LOC128462377: variants seen among roughly 807,000 people sequenced by gnomAD.
the LOC128462377 span, among the ~76,000 whole-genome samples, chr16:89,336,067 T>G: frequency 6.6e-6 from 1 of 152,212 alleles, no homozygotes; most frequent in Non-Finnish European, 1.5e-5. Flanking sequence ...TTCCTGCCAG[T>G]TGGTTTGAAA....
chr16:89,371,722 G>A, the LOC128462377 span, among the ~76,000 whole-genome samples: 1 of 152,132 alleles, frequency 6.6e-6, no homozygotes, highest in African/African-American at 2.4e-5. Flanking sequence ...TCTCGGGTGT[G>A]GAGGGCGATG....
the LOC128462377 span, among the ~76,000 whole-genome samples, chr16:89,330,572 C>T: frequency 1.3e-5 from 2 of 148,614 alleles, no homozygotes; most frequent in Non-Finnish European, 1.5e-5. Context: ...GGGGGAGCCA[C>T]GGCACCTCTG....
At chr16:89,322,784 G>C in the LOC128462377 span, among the ~76,000 whole-genome samples, 6 of 152,384 alleles carry the variant, frequency 3.9e-5, no homozygotes, top group African/African-American at 1.4e-4. Flanking sequence ...TGGTGATGAG[G>C]TGTGGCCTGC....
the LOC128462377 span, among the ~76,000 whole-genome samples, chr16:89,358,092 C>A: frequency 6.6e-6 from 1 of 152,192 alleles, no homozygotes. Flanking sequence ...CAACTTTTGA[C>A]CCAAGGACAC....
the LOC128462377 span, among the ~76,000 whole-genome samples, chr16:89,365,759 T>G: frequency 6.6e-6 from 1 of 152,132 alleles, no homozygotes; most frequent in Non-Finnish European, 1.5e-5. Context: ...GTTTGTTACG[T>G]AGGTAAACTT....
chr16:89,340,840 G>A, the LOC128462377 span, among the ~76,000 whole-genome samples: 1 of 152,188 alleles, frequency 6.6e-6, no homozygotes, highest in Non-Finnish European at 1.5e-5. Context: ...CAGTCCTGGG[G>A]AGAGGATGCA....
chr16:89,340,856 T>A, the LOC128462377 span, among the ~76,000 whole-genome samples: 1 of 152,086 alleles, frequency 6.6e-6, no homozygotes, highest in Non-Finnish European at 1.5e-5. Context: ...ATGCACAGCT[T>A]TTGCCCAATT....
the LOC128462377 span, among the ~76,000 whole-genome samples, chr16:89,372,320 G>A: frequency 6.6e-6 from 1 of 152,174 alleles, no homozygotes; most frequent in Non-Finnish European, 1.5e-5. Flanking sequence ...AGCGCCCAGC[G>A]ACGGATGCGG....
At chr16:89,328,336 C>A in the LOC128462377 span, among the ~76,000 whole-genome samples, 3 of 152,176 alleles carry the variant, frequency 2.0e-5, no homozygotes, top group Non-Finnish European at 2.9e-5. Context: ...AACAACTGCA[C>A]CCCAGGACAT....
chr16:89,388,293 A>ATTT, the LOC128462377 span, among the ~76,000 whole-genome samples: 40 of 85,294 alleles, frequency 4.7e-4, 2 homozygotes, highest in East Asian at 5.7e-3. Context: ...CATGAGGCTG[A>ATTT]TTTTTTTTTT....
At chr16:89,326,930 C>T in the LOC128462377 span, among the ~76,000 whole-genome samples, 1 of 152,056 alleles carries the variant, frequency 6.6e-6, no homozygotes, top group Non-Finnish European at 1.5e-5. Flanking sequence ...CACAGACACA[C>T]GACCAGGCGG....
At chr16:89,409,351 A>C in the LOC128462377 span, among the ~76,000 whole-genome samples, 1 of 152,112 alleles carries the variant, frequency 6.6e-6, no homozygotes, top group Admixed American at 6.5e-5. Flanking sequence ...TTCAAGATCC[A>C]CCTATCAACA....
chr16:89,367,414 C>A, the LOC128462377 span, among the ~76,000 whole-genome samples: 1 of 152,200 alleles, frequency 6.6e-6, no homozygotes, highest in Admixed American at 6.5e-5. Flanking sequence ...GCAACCTTAG[C>A]CGGCAACTCA....
the LOC128462377 span, among the ~76,000 whole-genome samples, chr16:89,398,289 A>G: frequency 6.7e-6 from 1 of 149,014 alleles, no homozygotes; most frequent in African/African-American, 2.5e-5. Context: ...TGACCTCAGC[A>G]CTCTGGGAGG....
At chr16:89,368,415 G>GT in the LOC128462377 span, among the ~76,000 whole-genome samples, 1 of 107,432 alleles carries the variant, frequency 9.3e-6, no homozygotes, top group Non-Finnish European at 1.8e-5. Context: ...TAGAGATGGG[G>GT]TTTCACCATC....
the LOC128462377 span, among the ~76,000 whole-genome samples, chr16:89,404,562 G>A: frequency 6.6e-6 from 1 of 152,252 alleles, no homozygotes; most frequent in Non-Finnish European, 1.5e-5. Context: ...AGCTGCTTTT[G>A]AAAACACTGT....
the LOC128462377 span, among the ~76,000 whole-genome samples, chr16:89,384,111 T>C: frequency 1.3e-5 from 2 of 152,046 alleles, no homozygotes; most frequent in African/African-American, 4.8e-5. Context: ...TCCCAGCTAC[T>C]CAGGAGGCCG....
the LOC128462377 span, among the ~76,000 whole-genome samples, chr16:89,392,894 T>G: frequency 2.0e-5 from 3 of 151,862 alleles, no homozygotes; most frequent in African/African-American, 4.8e-5. Context: ...AGTGAACTTG[T>G]GTCTAATCAC....
chr16:89,383,479 C>T, the LOC128462377 span, among the ~76,000 whole-genome samples: 1 of 152,224 alleles, frequency 6.6e-6, no homozygotes, highest in Non-Finnish European at 1.5e-5. Context: ...ATTTCTGTCT[C>T]ATTCAAAACC....
Sources: gnomAD v4.1 joint callset for allele counts (sites outside exome capture counted in the v4.1 genomes callset) on GRCh38, gnomAD v4.1.1 for gene constraint, MANE v1.5 for transcripts.